Variants in IAH1 observed in about 807,000 individuals in gnomAD.
The protein encoded by IAH1 is isoamyl acetate-hydrolyzing esterase 1 homolog.
In IAH1, 24 loss-of-function variants were observed where a neutral mutation model predicts 26.7. That is an observed-to-expected ratio of 0.90 (90% CI 0.65 to 1.26). The LOEUF (loss-of-function observed/expected upper bound fraction) is 1.26, where lower values mean the gene tolerates loss of function less well. IAH1 is among the 50% of genes most tolerant of loss of function. The probability of loss-of-function intolerance (pLI) is 0.00; values close to 1 mark genes in which losing one functional copy is unlikely to be tolerated. For missense variants in IAH1, 300 were observed against 299.9 expected, an observed-to-expected ratio of 1.00 and a Z score of 0.00; for synonymous variants, 140 against 118.5, an observed-to-expected ratio of 1.18 and a Z score of -1.18.
chr2:9,487,817 TGTGTGTGTGTGTGTGTGC>T (rs1182061732), intron 5 of IAH1, among the ~76,000 whole-genome samples: 27 of 94,940 alleles, frequency 2.8e-4, no homozygotes, highest in African/African-American at 9.2e-4. Flanking sequence ...TGTGTGTGTG[TGTGTGTGTGTGTGTGTGC>T]GCGCGCGCGC....
In IAH1 at chr2:9,489,706, CTT is replaced by C. The variant is rs1661931933; in HGVS notation, c.*1379_*1380del. The C allele has an allele frequency of 8.3e-6, 1 of 119,926 alleles. No individual in the cohort carries two copies. The highest frequency in any genetic ancestry group is 1.6e-5 in the Non-Finnish European group (1 of 61,314). 7.4% of individuals were successfully genotyped at this position (119,926 alleles called of 1,614,324 possible). A position where few individuals can be genotyped will look rare whatever the true frequency, so the allele number is the denominator to read the frequency against. On this transcript the variant is annotated 3_prime_UTR_variant, in exon 6 of 6. Transcript: ENST00000497473. ...AGACAATGTATACTAGATTTATCTC[CTT>C]TGTTTTTAGTTGAAGGCAAAAAAAA...
rs1682372712 is a variant in IAH1 at position 9,474,694 on chromosome 2, G to A, written c.81+47G>A. On this transcript the variant is annotated intron_variant, in intron 1 of 5. Transcript: ENST00000497473. This position sits in a 1 kb window ranked among gnomAD's most constrained non-coding sequence, Gnocchi z 4.3. Reference sequence around the variant, plus strand: ...GCCTCCCGCCCCGGCCTCCCTGCGGGGTCGCTGCCGAGCAGGCCGAGGCTC... The same window carrying A: ...GCCTCCCGCCCCGGCCTCCCTGCGGAGTCGCTGCCGAGCAGGCCGAGGCTC... 5.6e-6 allele frequency: 8 copies of A among 1,423,202 alleles called. No individual in the cohort carries two copies. Among genetic ancestry groups the A allele is most frequent in the Non-Finnish European group, 7.6e-6 (8 of 1,054,170 alleles). The allele number at this position is 1,423,202 out of a possible 1,614,324, so 88.2% of individuals were successfully genotyped here. A position where few individuals can be genotyped will look rare whatever the true frequency, so the allele number is the denominator to read the frequency against.
the IAH1 span, chr2:9,506,962 A>C: frequency 0.23 from 34,884 of 151,950 alleles, 4,761 homozygotes; most frequent in Middle Eastern, 0.31. Context: ...CATCCTTGTC[A>C]TAAGACTTCC....
chr2:9,487,002 T>C (rs1268549056), intron 5 of IAH1, among the ~76,000 whole-genome samples: 1 of 151,674 alleles, frequency 6.6e-6, no homozygotes, highest in Non-Finnish European at 1.5e-5. Context: ...GAGGCCAAGG[T>C]GGGAGTATTG....
At chr2:9,494,217 T>C (rs539949219), downstream of IAH1, among the ~76,000 whole-genome samples, 2 of 152,318 alleles carry the variant, frequency 1.3e-5, no homozygotes, top group Non-Finnish European at 2.9e-5. Flanking sequence ...TATGCTTCTC[T>C]AGAGAACAAA....
chr2:9,478,442 A>G (rs1487659990), intron 3 of IAH1, 72 bp downstream of exon 3: 3 of 1,408,392 alleles, frequency 2.1e-6, no homozygotes, highest in African/African-American at 1.4e-5. Context: ...TGCATTTAAT[A>G]TACTTTTTTC....
downstream of IAH1, among the ~76,000 whole-genome samples, chr2:9,494,481 G>A (rs532998050): frequency 3.3e-5 from 5 of 152,234 alleles, no homozygotes; most frequent in South Asian, 2.1e-4. Context: ...AAAGCACTCC[G>A]TCTTCTCCTC....
At position 9,488,893 on chromosome 2, in the gene IAH1, A is replaced by T. The variant is rs1661824149; in HGVS notation, c.*564A>T. ...TTAAAATGTTTTGGCTGGTGAGCAC[A>T]TTTCAGTTCTTAGGGGAAAAAAAGC... On this transcript the variant is annotated 3_prime_UTR_variant, in exon 6 of 6. Coordinates refer to ENST00000497473, the MANE Select transcript of IAH1 (RefSeq NM_001039613.3). The T allele has an allele frequency of 6.6e-6, 1 of 152,226 alleles. No individual in the cohort carries two copies. The allele number at this position is 152,226 out of a possible 1,614,324, so 9.4% of individuals were successfully genotyped here.
At chr2:9,491,032 G>A (rs1050032598), downstream of IAH1, 23 of 1,414,688 alleles carry the variant, frequency 1.6e-5, no homozygotes, top group Non-Finnish European at 2.2e-5. Context: ...GCTGGGTCAG[G>A]TGAAGGTCTT....
downstream of IAH1, chr2:9,493,690 A>C: frequency 6.9e-7 from 1 of 1,459,022 alleles, no homozygotes; most frequent in Non-Finnish European, 9.6e-7. Flanking sequence ...ACACTTTTCT[A>C]ATGTCATCAC....
intron 3 of IAH1, 84 bp from the exon 4 acceptor site, chr2:9,481,202 C>T: frequency 7.1e-7 from 1 of 1,416,684 alleles, no homozygotes; most frequent in Non-Finnish European, 9.8e-7. Flanking sequence ...TCATGAATAA[C>T]AGGCATTTGC....
At position 9,478,722 on chromosome 2, in the gene IAH1, C is replaced by T. The variant is rs1379488733; in HGVS notation, c.283+352C>T. On this transcript the variant is annotated intron_variant, in intron 3 of 5. Transcript: ENST00000497473. ...GCATCACACTGATGGCAGCTGGTGGCGTGTCTTAGGGAGGGATATGTCAGG... is the reference window on the plus strand; with the variant it reads ...GCATCACACTGATGGCAGCTGGTGGTGTGTCTTAGGGAGGGATATGTCAGG... Among the ~76,000 whole-genome samples the T allele has an allele frequency of 5.9e-5, 9 of 152,178 alleles. No individual in the cohort carries two copies. In the South Asian group the frequency reaches 1.2e-3, roughly 21 times the overall value.
At chr2:9,505,282 T>G in the IAH1 span, 1 of 1,614,220 alleles carries the variant, frequency 6.2e-7, no homozygotes, top group Non-Finnish European at 8.5e-7. Flanking sequence ...TCCCACAAAC[T>G]TTATTGCTGC....
intron 3 of IAH1, among the ~76,000 whole-genome samples, chr2:9,479,225 C>A (rs1421717564): frequency 6.6e-6 from 1 of 151,956 alleles, no homozygotes; most frequent in Non-Finnish European, 1.5e-5. Flanking sequence ...TAAGAAAACT[C>A]AAAACAGAAT....
At chr2:9,496,193 ATC>A (rs1227305275) in intron 6 of IAH1, 2 of 151,980 alleles carry the variant, frequency 1.3e-5, no homozygotes. Flanking sequence ...TAGCGGCGCA[ATC>A]TCAGCTCACA....
downstream of IAH1, chr2:9,490,288 A>G (rs2124948074): frequency 6.2e-7 from 1 of 1,614,190 alleles, no homozygotes; most frequent in South Asian, 1.1e-5. Flanking sequence ...ATGACTTGGC[A>G]GCTGTGCTGC....
chr2:9,493,444 G>A (rs928963045), downstream of IAH1, among the ~76,000 whole-genome samples: 1 of 152,122 alleles, frequency 6.6e-6, no homozygotes, highest in Non-Finnish European at 1.5e-5. Flanking sequence ...ACATCAATCA[G>A]GATTCAGTCT....
Position 9,476,038 on chromosome 2 carries a change from AGGTGAGAAT to A in IAH1, c.134+3_134+11del. 6.2e-7 allele frequency: 1 copy of A among 1,613,162 alleles called. No individual in the cohort carries two copies. Among genetic ancestry groups the A allele is most frequent in the Non-Finnish European group, 8.5e-7 (1 of 1,179,450 alleles). On this transcript the variant is annotated splice_donor_variant and splice_donor_5th_base_variant and coding_sequence_variant and intron_variant, in exon 2 of 6. Transcript: ENST00000497473. LOFTEE classifies it high-confidence loss of function. Reference sequence around the variant, plus strand: ...AGCATCGCTGGCTGACAGGCTGGTCAGGTGAGAATGGTTTCCGATACTTGAGTTCTTATG... The same window carrying A: ...AGCATCGCTGGCTGACAGGCTGGTCAGGTTTCCGATACTTGAGTTCTTATG...
chr2:9,497,241 G>A (rs913944425), downstream of IAH1: 2 of 1,613,958 alleles, frequency 1.2e-6, no homozygotes, highest in Non-Finnish European at 1.7e-6. Flanking sequence ...GGCACTCACT[G>A]CTATTACCTG....
Sources: allele counts gnomAD v4.1 joint callset (sites outside exome capture counted in the v4.1 genomes callset), GRCh38; gene constraint gnomAD v4.1.1; non-coding constraint Gnocchi (gnomAD v3.1); transcripts MANE v1.5; gene names NCBI Gene and HGNC (gene_info 2026-07-23, HGNC 2026-07-21).